XKR9: variants seen among roughly 807,000 people sequenced by gnomAD.
The protein encoded by XKR9 is XK-related protein 9.
In XKR9, 32 loss-of-function variants were observed where a neutral mutation model predicts 32.0. The ratio of observed to expected loss-of-function variants is 1.00; its 90% confidence interval spans 0.76 to 1.34. The LOEUF (loss-of-function observed/expected upper bound fraction) is 1.34. XKR9 is among the 40% of genes most tolerant of loss of function. The probability of loss-of-function intolerance (pLI) is 0.00; values close to 1 mark genes in which losing one functional copy is unlikely to be tolerated. For missense variants in XKR9, 546 were observed against 429.7 expected (o/e 1.27, Z -2.39); for synonymous variants, 168 against 143.4 (o/e 1.17, Z -1.22).
chr8:70,716,564 CCTA>C (rs1806097352), intron 4 of XKR9, among the ~76,000 whole-genome samples: 1 of 152,062 alleles, frequency 6.6e-6, no homozygotes, highest in African/African-American at 2.4e-5. Context: ...CTTGTGAGAA[CCTA>C]CTATCACGAG....
chr8:71,042,268 T>C, the XKR9 span, among the ~76,000 whole-genome samples: 3 of 151,932 alleles, frequency 2.0e-5, no homozygotes, highest in Non-Finnish European at 4.4e-5. Flanking sequence ...AGCCTGAGAG[T>C]AATCTGCCTT....
chr8:70,981,892 G>A, the XKR9 span, among the ~76,000 whole-genome samples: 6 of 152,202 alleles, frequency 3.9e-5, no homozygotes, highest in Admixed American at 2.6e-4. Context: ...GAGCTGAACT[G>A]TAGTGATTGC....
In XKR9 at chr8:70,734,628, T is replaced by TC. The variant is rs1317744951; in HGVS notation, c.*205dup. ...AAGATCTTGAGTACTCAGATATCTT[T>TC]CTACTGCCTGGTAGAGCTGCCATCT... On this transcript the variant is annotated 3_prime_UTR_variant, in exon 5 of 5. Coordinates refer to ENST00000408926, the MANE Select transcript of XKR9 (RefSeq NM_001011720.2). The TC allele has an allele frequency of 5.5e-6, 3 of 540,892 alleles. No homozygotes were observed. The African/African-American group carries it at 6.0e-5, about 11-fold the overall frequency. 33.5% of individuals were successfully genotyped at this position (540,892 alleles called of 1,614,324 possible). A position where few individuals can be genotyped will look rare whatever the true frequency, so the allele number is the denominator to read the frequency against.
the XKR9 span, among the ~76,000 whole-genome samples, chr8:70,938,675 G>A: frequency 2.0e-5 from 3 of 151,958 alleles, no homozygotes; most frequent in African/African-American, 7.3e-5. Context: ...CAGGTTCCTG[G>A]GATATGACTA....
At chr8:70,977,520 TCA>T in the XKR9 span, among the ~76,000 whole-genome samples, 1 of 152,256 alleles carries the variant, frequency 6.6e-6, no homozygotes, top group African/African-American at 2.4e-5. Context: ...AACATTTTTC[TCA>T]GTTTCCATGT....
chr8:71,010,455 T>C, the XKR9 span, among the ~76,000 whole-genome samples: 1 of 152,228 alleles, frequency 6.6e-6, no homozygotes, highest in Non-Finnish European at 1.5e-5. Flanking sequence ...TCAGCTTCTC[T>C]ATGCAACATA....
chr8:70,813,683 C>G, the XKR9 span, among the ~76,000 whole-genome samples: 1 of 152,168 alleles, frequency 6.6e-6, no homozygotes, highest in East Asian at 1.9e-4. Context: ...CCAAAAAACA[C>G]ATGAAAAAAT....
chr8:70,845,372 A>G, the XKR9 span, among the ~76,000 whole-genome samples: 4 of 152,238 alleles, frequency 2.6e-5, no homozygotes, highest in South Asian at 2.1e-4. Flanking sequence ...AGACACAAGA[A>G]ACATGGAAAA....
intron 2 of XKR9, among the ~76,000 whole-genome samples, chr8:70,680,219 T>A (rs1819028039): frequency 6.6e-6 from 1 of 152,178 alleles, no homozygotes; most frequent in Non-Finnish European, 1.5e-5. Context: ...TTTTAAAGGC[T>A]GCATGGTGTA....
At chr8:70,889,583 T>G in the XKR9 span, among the ~76,000 whole-genome samples, 19 of 151,870 alleles carry the variant, frequency 1.3e-4, no homozygotes, top group Admixed American at 5.3e-4. Context: ...CCCCAGTGTC[T>G]ATGGTTGCCA....
At chr8:71,046,247 A>T in the XKR9 span, among the ~76,000 whole-genome samples, 2 of 152,210 alleles carry the variant, frequency 1.3e-5, no homozygotes, top group African/African-American at 4.8e-5. Context: ...ATGGAAATGG[A>T]TAGATTATTA....
chr8:70,695,589 T>C (rs2132143793), intron 3 of XKR9, among the ~76,000 whole-genome samples: 1 of 152,080 alleles, frequency 6.6e-6, no homozygotes, highest in South Asian at 2.1e-4. Context: ...GTTGGACATC[T>C]GGGTTGGTTC....
chr8:70,710,436 C>T (rs1805873482), intron 4 of XKR9, among the ~76,000 whole-genome samples: 1 of 152,158 alleles, frequency 6.6e-6, no homozygotes, highest in Non-Finnish European at 1.5e-5. Flanking sequence ...CACTGTGGCT[C>T]ATGCCTGTAA....
At chr8:70,703,666 T>C (rs548024631) in intron 3 of XKR9, among the ~76,000 whole-genome samples, 13 of 152,198 alleles carry the variant, frequency 8.5e-5, no homozygotes, top group Non-Finnish European at 1.9e-4. Flanking sequence ...AATCCTACTT[T>C]TGTTGCTCTT....
the XKR9 span, among the ~76,000 whole-genome samples, chr8:70,817,378 G>A: frequency 2.1e-4 from 32 of 152,132 alleles, no homozygotes; most frequent in Non-Finnish European, 3.4e-4. Context: ...ATTTATAATA[G>A]TCACACAAAG....
the XKR9 span, among the ~76,000 whole-genome samples, chr8:70,944,915 A>G: frequency 6.6e-6 from 1 of 152,180 alleles, no homozygotes; most frequent in Non-Finnish European, 1.5e-5. Flanking sequence ...AGGTTCTCTA[A>G]TACTGCAGAA....
the XKR9 span, among the ~76,000 whole-genome samples, chr8:71,050,270 G>GATATATAT: frequency 8.1e-6 from 1 of 123,710 alleles, no homozygotes; most frequent in African/African-American, 3.1e-5. Context: ...TAGATAGATA[G>GATATATAT]ATAGATATAG....
intron 4 of XKR9, among the ~76,000 whole-genome samples, chr8:70,730,700 AAAT>A (rs1368826833): frequency 6.6e-6 from 1 of 152,178 alleles, no homozygotes; most frequent in Non-Finnish European, 1.5e-5. Flanking sequence ...AAAGTTACAC[AAAT>A]AATAAACCAG....
the XKR9 span, among the ~76,000 whole-genome samples, chr8:70,981,804 C>A: frequency 6.6e-6 from 1 of 152,170 alleles, no homozygotes; most frequent in African/African-American, 2.4e-5. Context: ...TCAAGGGCTG[C>A]AGTTCAGATT....
Sources: gnomAD v4.1 joint callset for allele counts (sites outside exome capture counted in the v4.1 genomes callset) on GRCh38, gnomAD v4.1.1 for gene constraint, MANE v1.5 for transcripts, NCBI Gene and HGNC (gene_info 2026-07-23, HGNC 2026-07-21) for gene names.